The following NALF1 variants were observed in gnomAD, a reference collection of about 807,000 sequenced individuals.
NALF1 encodes family with sequence similarity 155 member A.
Under a neutral mutation model 48.4 loss-of-function variants are expected in NALF1, and 3 were observed. That is an observed-to-expected ratio of 0.06 (90% CI 0.03 to 0.16). The LOEUF (loss-of-function observed/expected upper bound fraction) is 0.16. Among genes scored for constraint, NALF1 ranks in the 10% least tolerant of loss-of-function variants. The pLI, the probability that NALF1 is intolerant of heterozygous loss-of-function variation, is 1.00. For missense variants in NALF1, 526 were observed against 571.5 expected (o/e 0.92, Z 0.81); for synonymous variants, 262 against 245.7 (o/e 1.07, Z -0.62).
chr13:107,170,146 C>CTT lies in NALF1; in HGVS notation c.*349_*350dup, dbSNP rs1878767731. The CTT allele has an allele frequency of 9.7e-6, 2 of 207,000 alleles. No individual in the cohort carries two copies. Among genetic ancestry groups the CTT allele is most frequent in the East Asian group, 2.2e-4 (2 of 9,266 alleles). The allele number at this position is 207,000 out of a possible 1,614,324, so 12.8% of individuals were successfully genotyped here. ...TAGAGAGATAGAGACAGTGAAAAGA[C>CTT]TTAGTTTACCTCTGAGAAACCATCC... is the stretch of plus-strand genomic sequence containing the variant. On this transcript the variant is annotated 3_prime_UTR_variant, in exon 3 of 3. Transcript: ENST00000375915.
chr13:107,216,262 T>C (rs944211732), intron 1 of NALF1, among the ~76,000 whole-genome samples: 9 of 152,242 alleles, frequency 5.9e-5, no homozygotes, highest in African/African-American at 2.2e-4. Context: ...CTTTGACGCA[T>C]AACGCATGTT....
chr13:107,607,760 C>T (rs1296744220), intron 1 of NALF1, among the ~76,000 whole-genome samples: 1 of 152,144 alleles, frequency 6.6e-6, no homozygotes, highest in Admixed American at 6.5e-5. Flanking sequence ...CTTAACTACC[C>T]TTGCCTTACT....
At chr13:107,318,403 C>CA (rs1441206344) in intron 1 of NALF1, among the ~76,000 whole-genome samples, 2 of 151,946 alleles carry the variant, frequency 1.3e-5, no homozygotes, top group African/African-American at 2.4e-5. Context: ...TTGCAAATTG[C>CA]AAAAAACTGT....
At position 107,350,091 on chromosome 13, in the gene NALF1, A is replaced by G. The variant is rs1176196370; in HGVS notation, c.916-139336T>C. 2.0e-5 allele frequency among the ~76,000 whole-genome samples: 3 copies of G among 152,120 alleles called. No homozygotes were observed. In the East Asian group the frequency reaches 5.8e-4, roughly 29 times the overall value. On this transcript the variant is annotated intron_variant, in intron 1 of 2. Coordinates refer to ENST00000375915, the MANE Select transcript of NALF1 (RefSeq NM_001080396.3). The stretch of plus-strand genomic sequence containing the variant: ...TAGCCACTGATCTGACGGGAGGCAG[A>G]GCTCAGGCGGTAATGCTCCATAGCC...
chr13:107,195,914 T>C (rs758874194), intron 2 of NALF1, among the ~76,000 whole-genome samples: 105 of 152,132 alleles, frequency 6.9e-4, no homozygotes, highest in Admixed American at 6.5e-4. Flanking sequence ...AAATCATCAA[T>C]GGTAGGCTAG....
intron 1 of NALF1, among the ~76,000 whole-genome samples, chr13:107,598,281 A>C (rs1483406685): frequency 6.6e-6 from 1 of 152,172 alleles, no homozygotes; most frequent in Non-Finnish European, 1.5e-5. Context: ...CTTTGGTAAC[A>C]ATCCCTTTTT....
At chr13:107,293,773 T>C (rs189577647) in intron 1 of NALF1, among the ~76,000 whole-genome samples, 1 of 152,322 alleles carries the variant, frequency 6.6e-6, no homozygotes, top group East Asian at 1.9e-4. Flanking sequence ...AAGAAGTACC[T>C]TCCATTGTTT....
intron 2 of NALF1, among the ~76,000 whole-genome samples, chr13:107,196,234 A>G (rs1227870357): frequency 6.6e-6 from 1 of 152,176 alleles, no homozygotes; most frequent in Non-Finnish European, 1.5e-5. Context: ...AATAATCTGT[A>G]CAAGAAACCC....
chr13:107,402,036 G>A (rs1163845240), intron 1 of NALF1, among the ~76,000 whole-genome samples: 1 of 152,130 alleles, frequency 6.6e-6, no homozygotes, highest in Non-Finnish European at 1.5e-5. Flanking sequence ...TCATGCCTAA[G>A]AGTAGTCCCT....
chr13:107,523,608 G>T (rs1014683424), intron 1 of NALF1, among the ~76,000 whole-genome samples: 2 of 140,996 alleles, frequency 1.4e-5, no homozygotes, highest in African/African-American at 5.3e-5. Context: ...GTCAAGTCTA[G>T]TCAATGAGGT....
chr13:107,242,801 G>A (rs1880503635), intron 1 of NALF1, among the ~76,000 whole-genome samples: 1 of 151,940 alleles, frequency 6.6e-6, no homozygotes, highest in Admixed American at 6.6e-5. Context: ...AAGTTCTCTG[G>A]GTTTTCTAAG....
intron 1 of NALF1, among the ~76,000 whole-genome samples, chr13:107,827,353 C>G (rs1879551605): frequency 6.6e-6 from 1 of 152,180 alleles, no homozygotes; most frequent in African/African-American, 2.4e-5. Flanking sequence ...GTTCATCTGA[C>G]CTGAAAGATC....
chr13:107,788,410 C>T (rs1452568744), intron 1 of NALF1: 1 of 152,108 alleles, frequency 6.6e-6, no homozygotes, highest in Admixed American at 6.6e-5. Flanking sequence ...TCTCTTCTTC[C>T]TGCACTGGTG....
At chr13:107,850,606 T>C (rs1880283601) in intron 1 of NALF1, among the ~76,000 whole-genome samples, 1 of 152,120 alleles carries the variant, frequency 6.6e-6, no homozygotes, top group South Asian at 2.1e-4. Context: ...GAAAGCGATA[T>C]TTAAAACATT....
intron 1 of NALF1, among the ~76,000 whole-genome samples, chr13:107,411,640 G>A (rs1347566163): frequency 6.6e-6 from 1 of 152,158 alleles, no homozygotes; most frequent in Non-Finnish European, 1.5e-5. Flanking sequence ...AAGCAAGGCA[G>A]ATATTTACAA....
At chr13:107,574,110 A>G (rs1270236215) in intron 1 of NALF1, among the ~76,000 whole-genome samples, 1 of 152,204 alleles carries the variant, frequency 6.6e-6, no homozygotes, top group Non-Finnish European at 1.5e-5. Flanking sequence ...CTACTAATAT[A>G]TGACATAAAA....
intron 1 of NALF1, among the ~76,000 whole-genome samples, chr13:107,496,987 C>T (rs1875360550): frequency 6.6e-6 from 1 of 152,088 alleles, no homozygotes; most frequent in African/African-American, 2.4e-5. Flanking sequence ...CAAACCATAT[C>T]AGGAAACAAA....
intron 1 of NALF1, among the ~76,000 whole-genome samples, chr13:107,623,506 A>G (rs927048902): frequency 2.6e-5 from 4 of 152,158 alleles, no homozygotes; most frequent in Non-Finnish European, 4.4e-5. Flanking sequence ...GAAAATGTTT[A>G]GGATGCCTAA....
intron 1 of NALF1, among the ~76,000 whole-genome samples, chr13:107,529,269 A>T (rs1053162576): frequency 2.6e-5 from 4 of 152,146 alleles, no homozygotes; most frequent in Non-Finnish European, 4.4e-5. Context: ...TAATTATTCA[A>T]GAGCAGAGAA....
Sources: allele counts gnomAD v4.1 joint callset (sites outside exome capture counted in the v4.1 genomes callset), GRCh38; gene constraint gnomAD v4.1.1; transcripts MANE v1.5; gene names NCBI Gene and HGNC (gene_info 2026-07-23, HGNC 2026-07-21).